Variants in DNAH8 observed in about 807,000 individuals in gnomAD.
The protein encoded by DNAH8 is axonemal beta dynein heavy chain 8.
A neutral mutation model predicts 562.1 loss-of-function variants in DNAH8; 382 were observed. The observed-to-expected ratio is 0.68, with a 90% CI of 0.63 to 0.74. DNAH8 has a LOEUF of 0.74. Ranked by LOEUF, DNAH8 falls within the 30% of genes least tolerant of loss-of-function variation. The probability of loss-of-function intolerance (pLI) is 0.00; values close to 1 mark genes in which losing one functional copy is unlikely to be tolerated. For synonymous variants in DNAH8, 1,881 were observed against 1,919.4 expected, an observed-to-expected ratio of 0.98 and a Z score of 0.52; for missense variants, 5,203 against 5,620.4, an observed-to-expected ratio of 0.93 and a Z score of 2.37.
chr6:38,924,511 A>C (rs577166163), intron 73 of DNAH8, among the ~76,000 whole-genome samples: 2,092 of 141,772 alleles, frequency 0.015, 38 homozygotes, highest in African/African-American at 0.041. Flanking sequence ...TCCCCCCCCC[A>C]AAAAAAAGAA....
At chr6:38,984,558 T>G (rs936658817) in intron 87 of DNAH8, among the ~76,000 whole-genome samples, 1 of 152,002 alleles carries the variant, frequency 6.6e-6, no homozygotes, top group African/African-American at 2.4e-5. Flanking sequence ...TTTGGGAGAC[T>G]GAGGCGGGCG....
At chr6:38,997,438 C>T (rs568505896) in intron 88 of DNAH8, among the ~76,000 whole-genome samples, 2 of 152,298 alleles carry the variant, frequency 1.3e-5, no homozygotes, top group South Asian at 4.1e-4. Flanking sequence ...CAAAGATGCC[C>T]TGACATTGCT....
intron 7 of DNAH8, 60 bp downstream of exon 7, chr6:38,738,032 G>A (rs1562599703): frequency 6.5e-7 from 1 of 1,537,048 alleles, no homozygotes; most frequent in South Asian, 1.1e-5. Context: ...CCTAGCCATT[G>A]TATTTTGTCT....
At chr6:38,977,894 A>T (rs1246124253) in intron 85 of DNAH8, among the ~76,000 whole-genome samples, 1 of 152,218 alleles carries the variant, frequency 6.6e-6, no homozygotes, top group East Asian at 1.9e-4. Context: ...CCAGAACAGG[A>T]CACTTAAGTC....
At chr6:38,758,856 G>A (rs1170848190) in intron 10 of DNAH8, among the ~76,000 whole-genome samples, 1 of 152,162 alleles carries the variant, frequency 6.6e-6, no homozygotes, top group African/African-American at 2.4e-5. Context: ...CGTTGAACCA[G>A]CCTTGCATCC....
At chr6:38,843,541 C>T (rs1324739889) in intron 35 of DNAH8, among the ~76,000 whole-genome samples, 1 of 152,014 alleles carries the variant, frequency 6.6e-6, no homozygotes, top group Admixed American at 6.6e-5. Context: ...TAAACACATA[C>T]AAAAGTAAAG....
chr6:38,722,424 CT>C (rs534778879), intron 1 of DNAH8, among the ~76,000 whole-genome samples: 22 of 148,408 alleles, frequency 1.5e-4, no homozygotes, highest in Non-Finnish European at 2.8e-4. Flanking sequence ...TGGCTCTCAT[CT>C]TTTTTTTTTA....
At chr6:38,960,667 G>T (rs1762551841) in intron 82 of DNAH8, among the ~76,000 whole-genome samples, 1 of 151,864 alleles carries the variant, frequency 6.6e-6, no homozygotes, top group African/African-American at 2.4e-5. Context: ...ATACAGTATT[G>T]GTAGAAATGT....
chr6:38,989,946 T>C lies in DNAH8; in HGVS notation c.13054-66T>C, dbSNP rs2395711. On this transcript the variant is annotated intron_variant, in intron 87 of 92. Transcript: ENST00000327475. ...AATGGAAATAAGGTGGCCCCTCTCC[T>C]TTCTTGTAGCAGTTTTCATTTAGAT... is the stretch of plus-strand genomic sequence containing the variant. The C allele has an allele frequency of 0.09, 83,368 of 921,496 alleles. 4,454 individuals carry two copies. Among genetic ancestry groups the C allele is most frequent in the Admixed American group, 0.22 (9,018 of 41,434 alleles). The allele number at this position is 921,496 out of a possible 1,614,324, so 57.1% of individuals were successfully genotyped here.
intron 78 of DNAH8, 29 bp downstream of exon 78, chr6:38,938,255 T>C: frequency 1.3e-6 from 2 of 1,580,234 alleles, no homozygotes; most frequent in Non-Finnish European, 1.7e-6. Context: ...CATCCAAAAG[T>C]GGTGACTTAA....
Position 39,030,497 on chromosome 6 carries a change from C to A in DNAH8, c.*105C>A, listed in dbSNP as rs560295033. The A allele has an allele frequency of 1.5e-4, 153 of 1,003,074 alleles. 1 individual carries two copies. The highest frequency in any genetic ancestry group is 2.1e-4 in the Non-Finnish European group (142 of 688,704). 62.1% of individuals were successfully genotyped at this position (1,003,074 alleles called of 1,614,324 possible). A position where few individuals can be genotyped will look rare whatever the true frequency, so the allele number is the denominator to read the frequency against. On this transcript the variant is annotated 3_prime_UTR_variant, in exon 93 of 93. Transcript: ENST00000327475. ...TTTCTCCCCAGTAATTCCTTAATTA[C>A]TCTTTCTACATTAAAAAGTTGATGT...
chr6:38,760,867 G>A (rs1766423811), intron 10 of DNAH8, among the ~76,000 whole-genome samples: 2 of 152,056 alleles, frequency 1.3e-5, no homozygotes, highest in Non-Finnish European at 2.9e-5. Context: ...TATGCTTCGT[G>A]TACAGCCTAC....
Position 38,828,289 on chromosome 6 carries a change from G to A in DNAH8, c.4188+1G>A, listed in dbSNP as rs769830670. Reference sequence around the variant, plus strand: ...TTTCAACAAATTGCAGAGCAAAGCTGTAAGTATGAATTTAACTACATTATT... The same window carrying A: ...TTTCAACAAATTGCAGAGCAAAGCTATAAGTATGAATTTAACTACATTATT... On this transcript the variant is annotated splice_donor_variant, in intron 30 of 92. Coordinates refer to ENST00000327475, the MANE Select transcript of DNAH8 (RefSeq NM_001206927.2). LOFTEE classifies it high-confidence loss of function. The A allele has an allele frequency of 1.3e-6, 2 of 1,526,956 alleles. No individual in the cohort carries two copies. Among genetic ancestry groups the A allele is most frequent in the Admixed American group, 4.1e-5 (2 of 48,562 alleles). 94.6% of individuals were successfully genotyped at this position (1,526,956 alleles called of 1,614,324 possible).
In DNAH8 at chr6:38,857,679, T is replaced by A. The variant is rs1159069850; in HGVS notation, c.5895T>A (p.Asp1965Glu). The change falls in exon 42 of 93, where the codon GAT becomes GAA. Residue 1965 changes from aspartate to glutamate, a missense_variant. Coordinates refer to ENST00000327475, the MANE Select transcript of DNAH8 (RefSeq NM_001206927.2). ...CAACACATGATCTAAGCAAGTTTGA[T>A]AGAGTGAAGTTCGAGACTCTAATTA... Reference protein sequence around the residue: ...SQTTHDLSKFDRVKFETLITI... With the variant: ...SQTTHDLSKFERVKFETLITI... 6.2e-7 allele frequency: 1 copy of A among 1,613,950 alleles called. No homozygotes were observed. Among genetic ancestry groups the A allele is most frequent in the South Asian group, 1.1e-5 (1 of 91,064 alleles).
chr6:38,833,199 G>C (rs1425717185), intron 31 of DNAH8, among the ~76,000 whole-genome samples: 2 of 151,562 alleles, frequency 1.3e-5, no homozygotes, highest in African/African-American at 2.4e-5. Flanking sequence ...CAGTGGATCT[G>C]TATTCATAAG....
Position 38,779,230 on chromosome 6 carries a change from G to A in DNAH8, c.2040-736G>A, listed in dbSNP as rs566486211. 2.0e-4 allele frequency among the ~76,000 whole-genome samples: 30 copies of A among 152,268 alleles called. No homozygotes were observed. The South Asian group carries it at 6.2e-3, about 32-fold the overall frequency. ...CTAGTGTTGGGTCTGGCTTTGCATG[G>A]TTCCACGGCTGTAATGATGGAGACC... On this transcript the variant is annotated intron_variant, in intron 14 of 92. Coordinates refer to ENST00000327475, the MANE Select transcript of DNAH8 (RefSeq NM_001206927.2).
At chr6:38,841,933 A>G (rs1410185142) in intron 33 of DNAH8, among the ~76,000 whole-genome samples, 1 of 152,190 alleles carries the variant, frequency 6.6e-6, no homozygotes, top group Non-Finnish European at 1.5e-5. Flanking sequence ...TCAATCTTAA[A>G]GGCAGATCAG....
chr6:38,733,660 C>A (rs1192057285), intron 4 of DNAH8, among the ~76,000 whole-genome samples: 1 of 152,156 alleles, frequency 6.6e-6, no homozygotes, highest in African/African-American at 2.4e-5. Flanking sequence ...CCTGTAATCC[C>A]AGCACTTTGA....
Position 38,814,604 on chromosome 6 carries a change from T to C in DNAH8, c.3333+475T>C, listed in dbSNP as rs114818426. ...AAAAAAAAAAAAGTTACTTCTGTAT[T>C]AGCTCATGATGTATTGAAGGACTCG... On this transcript the variant is annotated intron_variant, in intron 25 of 92. Transcript: ENST00000327475. Among the ~76,000 whole-genome samples, 1,232 of 152,242 alleles carry C rather than the reference T, an allele frequency of 8.1e-3. 19 individuals are homozygous for C. Among genetic ancestry groups the C allele is most frequent in the African/African-American group, 0.029 (1,187 of 41,554 alleles).
Sources: gnomAD v4.1 joint callset for allele counts (sites outside exome capture counted in the v4.1 genomes callset) on GRCh38, gnomAD v4.1.1 for gene constraint, MANE v1.5 for transcripts, NCBI Gene and HGNC (gene_info 2026-07-23, HGNC 2026-07-21) for gene names.